Variants in ZDHHC14 observed in about 807,000 individuals in gnomAD.
ZDHHC14 encodes zDHHC palmitoyltransferase 14.
ZDHHC14 carries 16 observed loss-of-function variants against 47.7 expected under a neutral mutation model. The ratio of observed to expected loss-of-function variants is 0.34; its 90% CI spans 0.23 to 0.51. The LOEUF (loss-of-function observed/expected upper bound fraction) is 0.51. Among genes scored for constraint, ZDHHC14 ranks in the 20% least tolerant of loss-of-function variants. The probability of loss-of-function intolerance (pLI) is 0.97; values close to 1 mark genes in which losing one functional copy is unlikely to be tolerated. For synonymous variants in ZDHHC14, 293 were observed against 278.9 expected (o/e 1.05, Z -0.50); for missense variants, 515 against 662.5 (o/e 0.78, Z 2.44).
chr6:157,645,650 G>C lies in ZDHHC14; in HGVS notation c.753-87G>C, dbSNP rs561552912. Reference sequence around the variant, plus strand: ...GGCCAGCAACTAGAGAGAGGCCTGTGCCCGGGGGTGTTTCGGTTCCAGGCC... The same window carrying C: ...GGCCAGCAACTAGAGAGAGGCCTGTCCCCGGGGGTGTTTCGGTTCCAGGCC... On this transcript the variant is annotated intron_variant, in intron 5 of 8. Coordinates refer to ENST00000359775, the MANE Select transcript of ZDHHC14 (RefSeq NM_024630.3). 8 of 1,010,440 alleles carry C rather than the reference G, an allele frequency of 7.9e-6. No homozygotes were observed. In the African/African-American group the frequency reaches 9.5e-5, roughly 12 times the overall value. The allele number at this position is 1,010,440 out of a possible 1,614,324, so 62.6% of individuals were successfully genotyped here.
chr6:157,643,952 T>C (rs909022127), intron 5 of ZDHHC14, among the ~76,000 whole-genome samples: 2 of 152,126 alleles, frequency 1.3e-5, no homozygotes, highest in African/African-American at 4.8e-5. Flanking sequence ...CATGTATTAT[T>C]CAGTAAATAA....
chr6:157,620,524 G>C (rs571164845), intron 3 of ZDHHC14, among the ~76,000 whole-genome samples: 2 of 152,370 alleles, frequency 1.3e-5, no homozygotes, highest in Admixed American at 6.5e-5. Flanking sequence ...CCATGTCTCT[G>C]TAAGAAGTTT....
intron 1 of ZDHHC14, among the ~76,000 whole-genome samples, chr6:157,460,336 C>T (rs531659842): frequency 1.5e-5 from 2 of 133,730 alleles, no homozygotes; most frequent in South Asian, 4.9e-4. Context: ...GAAGTTGAGA[C>T]TGCAGTGAGC....
chr6:157,659,958 A>G (rs1583090151), intron 8 of ZDHHC14, among the ~76,000 whole-genome samples: 1 of 152,220 alleles, frequency 6.6e-6, no homozygotes, highest in East Asian at 1.9e-4. Flanking sequence ...CTCTAGAACC[A>G]TGCTGTGGAT....
At chr6:157,392,041 C>T (rs75967612) in intron 1 of ZDHHC14, among the ~76,000 whole-genome samples, 13,525 of 152,126 alleles carry the variant, frequency 0.089, 829 homozygotes, top group African/African-American at 0.18. Context: ...GTATGTAATG[C>T]GGAATCTGCA....
chr6:157,473,988 CTTTTTT>C (rs34287258), intron 1 of ZDHHC14, among the ~76,000 whole-genome samples: 2 of 118,602 alleles, frequency 1.7e-5, no homozygotes, highest in African/African-American at 3.1e-5. Flanking sequence ...ATTTTCTTTT[CTTTTTT>C]TTTTTTTTTT....
In ZDHHC14 at chr6:157,502,067, A is replaced by G. The variant is rs1390264809; in HGVS notation, c.246-40518A>G. 6.6e-6 allele frequency among the ~76,000 whole-genome samples: 1 copy of G among 152,210 alleles called. No individual in the cohort carries two copies. Among genetic ancestry groups the G allele is most frequent in the Non-Finnish European group, 1.5e-5 (1 of 68,044 alleles). ...GATGTATTCTCATAATCCACCCAAC[A>G]GTCTTGAAGTGTTCTTCTTGCTGCA... On this transcript the variant is annotated intron_variant, in intron 1 of 8. Coordinates refer to ENST00000359775, the MANE Select transcript of ZDHHC14 (RefSeq NM_024630.3). The surrounding 1 kb of genome is among the most constrained non-coding windows in gnomAD (Gnocchi z 4.0).
intron 2 of ZDHHC14, among the ~76,000 whole-genome samples, chr6:157,562,376 C>T (rs1782743567): frequency 6.6e-6 from 1 of 152,226 alleles, no homozygotes; most frequent in South Asian, 2.1e-4. Context: ...GACGCTGGGA[C>T]TCCTGGGCCA....
At chr6:157,533,317 C>G (rs756799080) in intron 1 of ZDHHC14, among the ~76,000 whole-genome samples, 4 of 151,976 alleles carry the variant, frequency 2.6e-5, no homozygotes, top group Non-Finnish European at 5.9e-5. Context: ...AACAGTGTGC[C>G]AAGTGGGGAT....
At chr6:157,562,305 G>T (rs961035300) in intron 2 of ZDHHC14, among the ~76,000 whole-genome samples, 1 of 152,170 alleles carries the variant, frequency 6.6e-6, no homozygotes, top group Non-Finnish European at 1.5e-5. Context: ...CCCAACTGGG[G>T]TTTAGCCGTG....
chr6:157,382,639 G>A (rs1777237631), intron 1 of ZDHHC14, among the ~76,000 whole-genome samples: 1 of 152,170 alleles, frequency 6.6e-6, no homozygotes, highest in African/African-American at 2.4e-5. Context: ...TGGGAAGGTG[G>A]GGTGCGATAG....
intron 1 of ZDHHC14, among the ~76,000 whole-genome samples, chr6:157,428,280 C>G (rs988803895): frequency 5.9e-5 from 9 of 152,116 alleles, no homozygotes; most frequent in Admixed American, 2.0e-4. Flanking sequence ...GGTGCCCCGA[C>G]CTTGCCAGCT....
intron 3 of ZDHHC14, among the ~76,000 whole-genome samples, chr6:157,613,236 C>G (rs1423283712): frequency 6.6e-6 from 1 of 152,194 alleles, no homozygotes; most frequent in African/African-American, 2.4e-5. Flanking sequence ...TGTTTTACAG[C>G]AACTCACAGT....
intron 1 of ZDHHC14, among the ~76,000 whole-genome samples, chr6:157,492,918 G>A (rs149521299): frequency 6.6e-6 from 1 of 152,294 alleles, no homozygotes; most frequent in East Asian, 1.9e-4. Context: ...AAGAAAGGCT[G>A]TGGGAAGGGA....
At position 157,382,219 on chromosome 6, in the gene ZDHHC14, G is replaced by C; in HGVS notation, c.198G>C (p.Leu66=). 1 of 1,613,188 alleles carries C rather than the reference G, an allele frequency of 6.2e-7. No individual in the cohort carries two copies. Among genetic ancestry groups the C allele is most frequent in the Non-Finnish European group, 8.5e-7 (1 of 1,179,656 alleles). ...MMARQTGVFY[L]TLVLILVTSG... is the part of the protein sequence containing the mutation. ...CCCGGCAGACGGGCGTCTTCTACCT[G>C]ACGCTCGTCCTCATCCTGGTCACTA... Residue 66 remains leucine, a synonymous_variant, in exon 1 of 9, where the codon CTG becomes CTC. Transcript: ENST00000359775.
At chr6:157,617,513 G>A (rs933110164) in intron 3 of ZDHHC14, among the ~76,000 whole-genome samples, 5 of 152,296 alleles carry the variant, frequency 3.3e-5, no homozygotes, top group African/African-American at 1.2e-4. Flanking sequence ...CCCAGACGAT[G>A]TGGACTCTTT....
chr6:157,589,686 T>C (rs1433393493), intron 2 of ZDHHC14, among the ~76,000 whole-genome samples: 2 of 152,184 alleles, frequency 1.3e-5, no homozygotes, highest in African/African-American at 4.8e-5. Flanking sequence ...TAAACCTCTT[T>C]CCTTTATAAA....
At chr6:157,667,264 T>C (rs11968495) in intron 8 of ZDHHC14, among the ~76,000 whole-genome samples, 8,662 of 152,240 alleles carry the variant, frequency 0.057, 691 homozygotes, top group African/African-American at 0.18. Context: ...GTTAGATCAA[T>C]TCAAACATAA....
At chr6:157,555,575 C>T (rs34895962) in intron 2 of ZDHHC14, among the ~76,000 whole-genome samples, 33,488 of 152,108 alleles carry the variant, frequency 0.22, 4,222 homozygotes, top group African/African-American at 0.34. Flanking sequence ...ATGGTATTGT[C>T]TTAGGTGCTA....
Sources: gnomAD v4.1 joint callset for allele counts (sites outside exome capture counted in the v4.1 genomes callset) on GRCh38, gnomAD v4.1.1 for gene constraint, Gnocchi (gnomAD v3.1) non-coding constraint, MANE v1.5 for transcripts, NCBI Gene and HGNC (gene_info 2026-07-23, HGNC 2026-07-21) for gene names.